The following TSNARE1 variants were observed in gnomAD, a reference collection of about 807,000 sequenced individuals.
The protein encoded by TSNARE1 is t-SNARE domain-containing protein 1.
A neutral mutation model predicts 62.0 loss-of-function variants in TSNARE1; 49 were observed. That is an observed-to-expected ratio of 0.79 (90% CI 0.63 to 1.00). The LOEUF is 1.00. Ranked by LOEUF, TSNARE1 falls within the 50% of genes least tolerant of loss-of-function variation. The pLI, the probability that TSNARE1 is intolerant of heterozygous loss-of-function variation, is 0.00. For synonymous variants in TSNARE1, 328 were observed against 294.4 expected (o/e 1.11, Z -1.17); for missense variants, 755 against 700.1 (o/e 1.08, Z -0.88).
chr8:142,388,433 G>A (rs1837253490), intron 1 of TSNARE1, among the ~76,000 whole-genome samples: 1 of 144,282 alleles, frequency 6.9e-6, no homozygotes, highest in Admixed American at 7.0e-5. Flanking sequence ...AAATTGGAAA[G>A]GATAAGGTTA....
intron 12 of TSNARE1, among the ~76,000 whole-genome samples, chr8:142,230,978 TCCATCCATTCAA>T (rs1214551843): frequency 6.6e-6 from 1 of 151,224 alleles, no homozygotes; most frequent in Non-Finnish European, 1.5e-5. Context: ...CATCCATCCA[TCCATCCATTCAA>T]CCATCCATCC....
At chr8:142,301,733 G>A (rs904497765) in intron 9 of TSNARE1, among the ~76,000 whole-genome samples, 2 of 152,096 alleles carry the variant, frequency 1.3e-5, no homozygotes, top group African/African-American at 2.4e-5. Context: ...CTGAGGTGGC[G>A]GCCTGGCCAG....
Position 142,340,731 on chromosome 8 carries a change from C to T in TSNARE1, c.745+3235G>A, listed in dbSNP as rs548405567. On this transcript the variant is annotated intron_variant, in intron 4 of 13. Transcript: ENST00000524325. The stretch of plus-strand genomic sequence containing the variant: ...GCCATCCCCTCTCGACCTCAGCCTT[C>T]CCACCACTGTCTGGATCTCAAAGGA... Among the ~76,000 whole-genome samples the T allele has an allele frequency of 3.9e-5, 6 of 152,366 alleles. No individual in the cohort carries two copies. In the South Asian group the frequency reaches 6.2e-4, roughly 16 times the overall value.
In TSNARE1 at chr8:142,315,067, G is replaced by GGACGCTCCTGCTGCA; in HGVS notation, c.995_1009dup (p.Leu332_Arg336dup). On this transcript the variant is annotated inframe_insertion, in exon 8 of 14. Transcript: ENST00000524325. ...CTGGGTTTTCAGCCGGTCCAGCTGA[G>GGACGCTCCTGCTGCA]GACGCTCCTGCTGCAGACGCTCCTG... 32 of 1,614,028 alleles carry GGACGCTCCTGCTGCA rather than the reference G, an allele frequency of 2.0e-5. No homozygotes were observed. The East Asian group carries it at 5.1e-4, about 26-fold the overall frequency.
intron 10 of TSNARE1, among the ~76,000 whole-genome samples, chr8:142,292,301 T>C (rs1047555818): frequency 3.9e-5 from 6 of 152,044 alleles, no homozygotes; most frequent in Non-Finnish European, 7.4e-5. Context: ...CCCACGAGCT[T>C]CCCCCGTGGA....
rs368218203 is a variant in TSNARE1, at chr8:142,330,921, C to T, written c.873G>A (p.Thr291=). The T allele has an allele frequency of 9.3e-6, 15 of 1,613,998 alleles. No individual in the cohort carries two copies. Among genetic ancestry groups the T allele is most frequent in the African/African-American group, 1.3e-5 (1 of 74,940 alleles). ...SLQSLGTPSD[T]QELRDSLHTA... is the part of the protein sequence containing the mutation. ...CTCACAGGCTGTCCCGAAGCTCCTG[C>T]GTGTCACTCGGTGTCCCTAAGGACT... Residue 291 remains threonine (T), a synonymous_variant, in exon 6 of 14, where the codon ACG becomes ACA. Transcript: ENST00000524325.
chr8:142,300,763 G>GGACAATCTGGGTCTGAGGC, intron 9 of TSNARE1, 119 bp from the exon 10 acceptor site: 3 of 1,212,112 alleles, frequency 2.5e-6, no homozygotes, highest in Non-Finnish European at 3.4e-6. Context: ...CTCTCTGAGG[G>GGACAATCTGGGTCTGAGGC]GACGATCTGG....
At chr8:142,277,544 C>A (rs1259796752) in intron 11 of TSNARE1, 1 of 985,484 alleles carries the variant, frequency 1.0e-6, no homozygotes. Flanking sequence ...GATGCCCCCA[C>A]CCTGTCCTCA....
chr8:142,226,397 G>A (rs1028049268), intron 13 of TSNARE1, among the ~76,000 whole-genome samples: 4 of 152,148 alleles, frequency 2.6e-5, no homozygotes, highest in Admixed American at 6.5e-5. Context: ...TCCTGCAATC[G>A]AGCTACGGTT....
intron 1 of TSNARE1, 76 bp from the exon 2 acceptor site, chr8:142,354,839 GC>G: frequency 1.2e-6 from 1 of 817,816 alleles, no homozygotes; most frequent in Non-Finnish European, 2.0e-6. Context: ...GTGCACAGGG[GC>G]CGCCGGCCCC....
chr8:142,365,870 A>G (rs1835513008), intron 1 of TSNARE1: 2 of 443,192 alleles, frequency 4.5e-6, no homozygotes, highest in South Asian at 3.3e-5. Flanking sequence ...AAACATTACT[A>G]AAAGAAAGTG....
At position 142,282,009 on chromosome 8, in the gene TSNARE1, C is replaced by G. The variant is rs541150811; in HGVS notation, c.1363+2404G>C. Among the ~76,000 whole-genome samples the G allele has an allele frequency of 2.6e-5, 4 of 152,338 alleles. No individual in the cohort carries two copies. In the South Asian group the frequency reaches 8.3e-4, roughly 32 times the overall value. On this transcript the variant is annotated intron_variant, in intron 11 of 13. Transcript: ENST00000524325. ...TCCCACTTCCTGCCCCCACATACAG[C>G]CTGGCGCTAAGGTAGGACCTGACTC...
At chr8:142,271,069 C>G (rs1407539602) in intron 12 of TSNARE1, 2 of 985,928 alleles carry the variant, frequency 2.0e-6, no homozygotes, top group Non-Finnish European at 2.4e-6. Context: ...TTGGCTCTGC[C>G]AGCACCCCCG....
At chr8:142,282,723 GGGGAGGCCACTGTCTGTCTAAGGGCAA>G in intron 11 of TSNARE1, among the ~76,000 whole-genome samples, 1 of 149,552 alleles carries the variant, frequency 6.7e-6, no homozygotes, top group Non-Finnish European at 1.5e-5. Flanking sequence ...AATGAGCGGA[GGGGAGGCCACTGTCTGTCTAAGGGCAA>G]AGGCGGGGTC....
intron 11 of TSNARE1, chr8:142,278,227 A>G: frequency 1.0e-6 from 1 of 985,348 alleles, no homozygotes; most frequent in Non-Finnish European, 1.2e-6. Context: ...CTGGGTCTAC[A>G]TGCGTCTCCC....
chr8:142,282,560 T>C (rs1821747690), intron 11 of TSNARE1, among the ~76,000 whole-genome samples: 1 of 150,090 alleles, frequency 6.7e-6, no homozygotes, highest in Non-Finnish European at 1.5e-5. Flanking sequence ...GCGGGACCAG[T>C]GTCTGTCAAT....
intron 4 of TSNARE1, among the ~76,000 whole-genome samples, chr8:142,340,792 A>G (rs895251829): frequency 6.6e-6 from 1 of 152,164 alleles, no homozygotes; most frequent in Non-Finnish European, 1.5e-5. Context: ...CCAGGGCCAC[A>G]TGACCCAGCC....
chr8:142,278,034 T>C (rs1586968069), intron 11 of TSNARE1: 1 of 985,114 alleles, frequency 1.0e-6, no homozygotes, highest in East Asian at 1.1e-4. Context: ...TCAATGGGGG[T>C]GGATCCAGCC....
chr8:142,376,216 G>T (rs1316450255), intron 1 of TSNARE1, among the ~76,000 whole-genome samples: 1 of 152,090 alleles, frequency 6.6e-6, no homozygotes, highest in African/African-American at 2.4e-5. Context: ...AAGGGACAAG[G>T]GTGTGTCTCA....
Sources: gnomAD v4.1 joint callset for allele counts (sites outside exome capture counted in the v4.1 genomes callset) on GRCh38, gnomAD v4.1.1 for gene constraint, MANE v1.5 for transcripts, NCBI Gene and HGNC (gene_info 2026-07-23, HGNC 2026-07-21) for gene names.